Variants in SEZ6L observed in about 807,000 individuals in gnomAD.
SEZ6L encodes seizure 6-like protein.
In SEZ6L, 37 loss-of-function variants were observed where a neutral mutation model predicts 106.2. The ratio of observed to expected loss-of-function variants is 0.35; its 90% confidence interval spans 0.27 to 0.46. The LOEUF (loss-of-function observed/expected upper bound fraction) is 0.46, where lower values mean the gene tolerates loss of function less well. SEZ6L is among the 20% of genes least tolerant of loss of function. The pLI, the probability that SEZ6L is intolerant of heterozygous loss-of-function variation, is 1.00. For synonymous variants in SEZ6L, 541 were observed against 570.4 expected (o/e 0.95, Z 0.73); for missense variants, 1,172 against 1,332.8 (o/e 0.88, Z 1.88).
intron 7 of SEZ6L, among the ~76,000 whole-genome samples, chr22:26,311,472 C>T (rs7285701): frequency 0.02 from 3,068 of 152,258 alleles, 87 homozygotes; most frequent in African/African-American, 0.068. Flanking sequence ...TCTGAAGTTA[C>T]GGGCCATGGG....
At chr22:26,189,733 T>G (rs1940044825) in intron 1 of SEZ6L, among the ~76,000 whole-genome samples, 1 of 151,680 alleles carries the variant, frequency 6.6e-6, no homozygotes, top group Non-Finnish European at 1.5e-5. Context: ...ATCCTGGGGG[T>G]CCTGGAACGA....
chr22:26,314,095 C>CACACAGAGAGAG (rs1491457169), intron 9 of SEZ6L, among the ~76,000 whole-genome samples, 193 bp downstream of exon 9: 1 of 136,224 alleles, frequency 7.3e-6, no homozygotes, highest in African/African-American at 2.6e-5. Context: ...CACACACACA[C>CACACAGAGAGAG]AGAGAGAGAG....
At chr22:26,303,230 A>G (rs1356241147) in intron 5 of SEZ6L, among the ~76,000 whole-genome samples, 2 of 152,230 alleles carry the variant, frequency 1.3e-5, no homozygotes, top group African/African-American at 4.8e-5. Flanking sequence ...TGAAAGAAGT[A>G]TGGAGCTTCT....
chr22:26,171,473 T>G (rs1019328617), intron 1 of SEZ6L, among the ~76,000 whole-genome samples: 5 of 151,938 alleles, frequency 3.3e-5, no homozygotes, highest in African/African-American at 9.7e-5. Context: ...GTTCTACCTC[T>G]GAGAACTCCA....
chr22:26,171,324 C>T (rs1938589394), intron 1 of SEZ6L, among the ~76,000 whole-genome samples: 1 of 152,150 alleles, frequency 6.6e-6, no homozygotes, highest in Non-Finnish European at 1.5e-5. Context: ...AATTAGCTGT[C>T]TCTTTCTAAC....
At chr22:26,286,208 A>G (rs1307107019) in intron 1 of SEZ6L, among the ~76,000 whole-genome samples, 2 of 152,210 alleles carry the variant, frequency 1.3e-5, no homozygotes, top group African/African-American at 4.8e-5. Context: ...GGGAATAATG[A>G]TCATCATCTC....
intron 1 of SEZ6L, chr22:26,242,676 C>T (rs1397844553): frequency 6.6e-6 from 1 of 152,202 alleles, no homozygotes; most frequent in Non-Finnish European, 1.5e-5. Context: ...TAACATGAAA[C>T]TTACCAGAAC....
intron 1 of SEZ6L, among the ~76,000 whole-genome samples, chr22:26,185,247 C>G (rs984908064): frequency 6.6e-6 from 1 of 152,238 alleles, no homozygotes; most frequent in Non-Finnish European, 1.5e-5. Flanking sequence ...CCCTCTGTCA[C>G]ACTGCCCTTG....
intron 1 of SEZ6L, among the ~76,000 whole-genome samples, chr22:26,200,148 T>A (rs1208674421): frequency 1.3e-5 from 2 of 152,166 alleles, no homozygotes; most frequent in Non-Finnish European, 2.9e-5. Context: ...CTCAAACAAC[T>A]TCCTCCTTCT....
At chr22:26,230,383 G>A (rs920545349) in intron 1 of SEZ6L, among the ~76,000 whole-genome samples, 10 of 151,816 alleles carry the variant, frequency 6.6e-5, no homozygotes, top group African/African-American at 2.2e-4. Flanking sequence ...TGTCTCTCTC[G>A]TGCTTTGGGA....
chr22:26,224,537 G>A (rs1169544649), intron 1 of SEZ6L, among the ~76,000 whole-genome samples: 1 of 152,144 alleles, frequency 6.6e-6, no homozygotes, highest in East Asian at 1.9e-4. Context: ...TCATAGGATT[G>A]TGTAAAACTC....
intron 16 of SEZ6L, 68 bp from the exon 17 acceptor site, chr22:26,380,198 T>A: frequency 6.8e-7 from 1 of 1,480,568 alleles, no homozygotes; most frequent in Non-Finnish European, 9.4e-7. Flanking sequence ...TGCAAAGAAC[T>A]GCATCCCCCT....
chr22:26,315,632 G>T (rs1388251096), intron 9 of SEZ6L, among the ~76,000 whole-genome samples: 1 of 151,948 alleles, frequency 6.6e-6, no homozygotes, highest in Non-Finnish European at 1.5e-5. Flanking sequence ...CTTTGGGCTG[G>T]GCTCACCTGT....
chr22:26,244,950 G>A lies in SEZ6L; in HGVS notation c.95-47456G>A, dbSNP rs186562336. On this transcript the variant is annotated intron_variant, in intron 1 of 16. Coordinates refer to ENST00000248933, the MANE Select transcript of SEZ6L (RefSeq NM_021115.5). ...TGCTCCTTCAGCAATGGGGAGCCAC[G>A]GAGGGTTTTGAGCAGGGAAATGACA... Among the ~76,000 whole-genome samples the A allele has an allele frequency of 7.9e-5, 12 of 152,178 alleles. 1 individual carries two copies. Among genetic ancestry groups the A allele is most frequent in the Admixed American group, 6.5e-4 (10 of 15,278 alleles).
intron 1 of SEZ6L, among the ~76,000 whole-genome samples, chr22:26,253,101 G>T (rs1028450245): frequency 9.2e-5 from 14 of 152,158 alleles, no homozygotes; most frequent in African/African-American, 3.4e-4. Context: ...CCCTAGAAGG[G>T]TGGGTATTAT....
At chr22:26,321,572 C>G (rs911280115) in intron 9 of SEZ6L, among the ~76,000 whole-genome samples, 1 of 152,218 alleles carries the variant, frequency 6.6e-6, no homozygotes, top group Non-Finnish European at 1.5e-5. Context: ...GGCACCTCCT[C>G]CCTCCCACAG....
chr22:26,270,803 C>T, intron 1 of SEZ6L, among the ~76,000 whole-genome samples: 1 of 152,170 alleles, frequency 6.6e-6, no homozygotes, highest in East Asian at 1.9e-4. Context: ...CTAGGACACT[C>T]ATCTTTCCTC....
intron 9 of SEZ6L, among the ~76,000 whole-genome samples, chr22:26,319,841 A>C (rs889644186): frequency 1.6e-4 from 24 of 152,202 alleles, no homozygotes; most frequent in African/African-American, 5.8e-4. Context: ...TTAATAAATA[A>C]AAGGCAAGGA....
At chr22:26,287,097 T>TA (rs1011276499) in intron 1 of SEZ6L, among the ~76,000 whole-genome samples, 10 of 151,330 alleles carry the variant, frequency 6.6e-5, no homozygotes, top group African/African-American at 2.4e-4. Flanking sequence ...GTTCCCAGTC[T>TA]AATCTCCCAT....
Sources: gnomAD v4.1 joint callset for allele counts (sites outside exome capture counted in the v4.1 genomes callset) on GRCh38, gnomAD v4.1.1 for gene constraint, MANE v1.5 for transcripts, NCBI Gene and HGNC (gene_info 2026-07-23, HGNC 2026-07-21) for gene names.